DPP4: variants seen among roughly 807,000 people sequenced by gnomAD.
DPP4 encodes dipeptidyl peptidase 4.
Under a neutral mutation model 122.4 loss-of-function variants are expected in DPP4, and 93 were observed. That is an observed-to-expected ratio of 0.76 (90% CI 0.64 to 0.90). The LOEUF (loss-of-function observed/expected upper bound fraction) is 0.90, where lower values mean the gene tolerates loss of function less well. DPP4 is among the 40% of genes least tolerant of loss of function. The pLI, the probability that DPP4 is intolerant of heterozygous loss-of-function variation, is 0.00. For synonymous variants in DPP4, 321 were observed against 302.9 expected (o/e 1.06, Z -0.62); for missense variants, 914 against 907.3 (o/e 1.01, Z -0.09).
intron 10 of DPP4, among the ~76,000 whole-genome samples, chr2:162,028,101 C>T (rs1683403678): frequency 1.3e-5 from 2 of 150,964 alleles, no homozygotes; most frequent in Admixed American, 1.3e-4. Flanking sequence ...GTGACTCATG[C>T]CTGTAATAGC....
chr2:162,047,457 CAGTT>C lies in DPP4; in HGVS notation c.135_138del (p.Thr46IlefsTer3), dbSNP rs779957190. On this transcript the variant is annotated frameshift_variant, in exon 3 of 26. Transcript: ENST00000360534. LOFTEE classifies it high-confidence loss of function. The stretch of plus-strand genomic sequence containing the variant: ...AGTCTATAAGTATTTTTTAAGTAAT[CAGTT>C]AGAGTGTAAGTTTTGCGACTGTCAG... 8 of 1,588,112 alleles carry C rather than the reference CAGTT, an allele frequency of 5.0e-6. No homozygotes were observed. The highest frequency in any genetic ancestry group is 1.1e-5 in the South Asian group (1 of 87,600).
chr2:162,070,058 T>C (rs1418963451), intron 2 of DPP4, among the ~76,000 whole-genome samples: 1 of 152,234 alleles, frequency 6.6e-6, no homozygotes, highest in East Asian at 1.9e-4. Context: ...GTGAATTTTA[T>C]TACCACTAAG....
At chr2:162,014,244 GT>G (rs1421575571) in intron 19 of DPP4, 151 bp downstream of exon 19, 9 of 628,796 alleles carry the variant, frequency 1.4e-5, no homozygotes, top group Non-Finnish European at 2.2e-5. Context: ...CACAGGTTGG[GT>G]TTTGTGGCTG....
intron 25 of DPP4, among the ~76,000 whole-genome samples, chr2:161,993,767 C>T (rs1700924130): frequency 6.6e-6 from 1 of 152,120 alleles, no homozygotes; most frequent in South Asian, 2.1e-4. Flanking sequence ...CCCATTAAGC[C>T]CACTTGTTTT....
intron 2 of DPP4, among the ~76,000 whole-genome samples, chr2:162,048,580 C>T (rs761044459): frequency 2.0e-5 from 3 of 152,112 alleles, no homozygotes; most frequent in Non-Finnish European, 4.4e-5. Flanking sequence ...TATGACCAGC[C>T]CACTGAACCC....
chr2:162,033,958 A>G (rs771033585), intron 9 of DPP4, among the ~76,000 whole-genome samples: 5 of 149,788 alleles, frequency 3.3e-5, no homozygotes, highest in Non-Finnish European at 7.4e-5. Flanking sequence ...TTATATCTTT[A>G]TAATTTATCA....
intron 16 of DPP4, 147 bp downstream of exon 16, chr2:162,018,582 T>C (rs1683002575): frequency 2.0e-6 from 2 of 1,023,350 alleles, no homozygotes; most frequent in Non-Finnish European, 2.7e-6. Flanking sequence ...GAAGAAAAGA[T>C]TGTTTATGCT....
intron 22 of DPP4, among the ~76,000 whole-genome samples, chr2:162,007,677 AC>A (rs2106084225): frequency 6.6e-6 from 1 of 152,260 alleles, no homozygotes; most frequent in African/African-American, 2.4e-5. Flanking sequence ...ATCCAACAGA[AC>A]AATTAATATC....
chr2:162,018,774 C>T lies in DPP4; in HGVS notation c.1375G>A (p.Val459Met), dbSNP rs1576042827. The T allele has an allele frequency of 6.2e-7, 1 of 1,614,128 alleles. No individual in the cohort carries two copies. The highest frequency in any genetic ancestry group is 8.5e-7 in the Non-Finnish European group (1 of 1,180,028). Residue 459 changes from valine to methionine, a missense_variant, in exon 16 of 26, where the codon GTG becomes ATG. By Grantham distance (21) the Val-to-Met change is conservative (BLOSUM62 1). Coordinates refer to ENST00000360534, the MANE Select transcript of DPP4 (RefSeq NM_001935.4). Reference protein sequence around the residue: ...LNPERCQYYSVSFSKEAKYYQ... With the variant: ...LNPERCQYYSMSFSKEAKYYQ... Reference sequence around the variant, plus strand: ...TACTTCGCCTCTTTACTGAATGACACAGAATAGTACTGACACCTTTCCGGA... The same window carrying T: ...TACTTCGCCTCTTTACTGAATGACATAGAATAGTACTGACACCTTTCCGGA...
intron 2 of DPP4, among the ~76,000 whole-genome samples, chr2:162,064,299 C>T (rs1218715664): frequency 6.6e-6 from 1 of 152,106 alleles, no homozygotes; most frequent in African/African-American, 2.4e-5. Context: ...GTTCTCCTTT[C>T]AGTACAGCCA....
At chr2:162,068,669 C>A (rs1186873855) in intron 2 of DPP4, among the ~76,000 whole-genome samples, 1 of 152,166 alleles carries the variant, frequency 6.6e-6, no homozygotes, top group African/African-American at 2.4e-5. Flanking sequence ...GGGAAAGTAG[C>A]TACCATATTA....
At chr2:162,030,871 T>C (rs1183926906) in intron 10 of DPP4, among the ~76,000 whole-genome samples, 1 of 152,256 alleles carries the variant, frequency 6.6e-6, no homozygotes, top group Non-Finnish European at 1.5e-5. Context: ...TAGTGAGTCT[T>C]AAGTGTGACT....
At chr2:162,022,640 T>G (rs1683171850) in intron 12 of DPP4, 115 bp downstream of exon 12, 1 of 951,260 alleles carries the variant, frequency 1.1e-6, no homozygotes, top group African/African-American at 1.6e-5. Flanking sequence ...GAGAAATAGG[T>G]TAACTAATAT....
chr2:162,064,762 A>G (rs1031212494), intron 2 of DPP4, among the ~76,000 whole-genome samples: 1 of 152,202 alleles, frequency 6.6e-6, no homozygotes, highest in East Asian at 1.9e-4. Context: ...TTTGGATGCC[A>G]AAAGAAAGAA....
chr2:162,017,954 A>T (rs557537062), intron 16 of DPP4, among the ~76,000 whole-genome samples: 24 of 152,110 alleles, frequency 1.6e-4, no homozygotes, highest in Non-Finnish European at 2.5e-4. Flanking sequence ...CTTGATAGAG[A>T]TTTCTTAAAG....
At chr2:162,069,365 G>A (rs1033878800) in intron 2 of DPP4, among the ~76,000 whole-genome samples, 1 of 152,120 alleles carries the variant, frequency 6.6e-6, no homozygotes, top group Non-Finnish European at 1.5e-5. Context: ...TTCTCCATGG[G>A]CCTCAGTAAT....
chr2:161,994,903 A>G, intron 25 of DPP4, 58 bp downstream of exon 25: 1 of 1,514,762 alleles, frequency 6.6e-7, no homozygotes, highest in Non-Finnish European at 9.2e-7. Context: ...TTAGCCCAGA[A>G]AGAGGAAACT....
chr2:162,025,580 G>C (rs1203320990), intron 10 of DPP4, among the ~76,000 whole-genome samples: 6 of 152,156 alleles, frequency 3.9e-5, no homozygotes. Flanking sequence ...GGTATCTCTA[G>C]TAGTGCATCC....
chr2:161,999,067 T>C (rs1350551930), intron 23 of DPP4, among the ~76,000 whole-genome samples: 2 of 152,100 alleles, frequency 1.3e-5, no homozygotes, highest in Non-Finnish European at 2.9e-5. Flanking sequence ...CTGAGAGACA[T>C]ACACCCACTT....
Sources: gnomAD v4.1 joint callset for allele counts (sites outside exome capture counted in the v4.1 genomes callset) on GRCh38, gnomAD v4.1.1 for gene constraint, MANE v1.5 for transcripts, NCBI Gene and HGNC (gene_info 2026-07-23, HGNC 2026-07-21) for gene names.